The following TCERG1L variants were observed in gnomAD, a reference collection of about 807,000 sequenced individuals.
TCERG1L encodes transcription elongation regulator 1-like protein.
A neutral mutation model predicts 56.3 loss-of-function variants in TCERG1L; 37 were observed. The observed-to-expected ratio is 0.66, with a 90% CI of 0.51 to 0.87. TCERG1L has a LOEUF of 0.87. TCERG1L is among the 40% of genes least tolerant of loss of function. TCERG1L has a pLI of 0.00. For synonymous variants in TCERG1L, 324 were observed against 326.3 expected (o/e 0.99, Z 0.08); for missense variants, 799 against 774.2 (o/e 1.03, Z -0.38).
chr10:131,099,792 T>A (rs1345458995), intron 10 of TCERG1L, among the ~76,000 whole-genome samples: 1 of 152,190 alleles, frequency 6.6e-6, no homozygotes, highest in East Asian at 1.9e-4. Context: ...AAATGAAACA[T>A]CCACAAATAT....
chr10:131,294,171 A>T (rs1285372028), intron 3 of TCERG1L, among the ~76,000 whole-genome samples: 4 of 152,324 alleles, frequency 2.6e-5, no homozygotes, highest in Middle Eastern at 3.4e-3. Flanking sequence ...TATCTGAAGA[A>T]TGGGAGCCCC....
Position 131,093,088 on chromosome 10 carries a change from C to T in TCERG1L, c.*74G>A, listed in dbSNP as rs371660746. The T allele has an allele frequency of 4.2e-5, 65 of 1,531,584 alleles. No homozygotes were observed. Among genetic ancestry groups the T allele is most frequent in the African/African-American group, 1.3e-4 (9 of 71,882 alleles). The allele number at this position is 1,531,584 out of a possible 1,614,324, so 94.9% of individuals were successfully genotyped here. On this transcript the variant is annotated 3_prime_UTR_variant, in exon 12 of 12. Transcript: ENST00000368642. Reference sequence around the variant, plus strand: ...GTCTCGGCCGCCCCACGCCCGTGTCCGTCTCCACCGTGACCCCCTCGCCCC... The same window carrying T: ...GTCTCGGCCGCCCCACGCCCGTGTCTGTCTCCACCGTGACCCCCTCGCCCC...
intron 3 of TCERG1L, among the ~76,000 whole-genome samples, chr10:131,274,208 C>T (rs551702455): frequency 4.8e-4 from 73 of 152,304 alleles, no homozygotes; most frequent in African/African-American, 1.5e-3. Context: ...AAAATATCCA[C>T]ATTTTCATAT....
At chr10:131,249,517 G>A (rs1458077394) in intron 4 of TCERG1L, among the ~76,000 whole-genome samples, 2 of 152,220 alleles carry the variant, frequency 1.3e-5, no homozygotes, top group African/African-American at 2.4e-5. Flanking sequence ...GGAGGACAGT[G>A]GCCCTCTCCA....
At chr10:131,258,412 C>A (rs1846196873) in intron 4 of TCERG1L, among the ~76,000 whole-genome samples, 1 of 152,232 alleles carries the variant, frequency 6.6e-6, no homozygotes, top group African/African-American at 2.4e-5. Context: ...CAGGGCAGCA[C>A]TGCCAGGCAG....
intron 4 of TCERG1L, among the ~76,000 whole-genome samples, chr10:131,182,091 A>T (rs898307161): frequency 6.6e-6 from 1 of 152,106 alleles, no homozygotes; most frequent in Non-Finnish European, 1.5e-5. Context: ...ATGTGTGCAC[A>T]TAGCATGGGT....
intron 6 of TCERG1L, among the ~76,000 whole-genome samples, chr10:131,148,903 G>A (rs1292345092): frequency 6.6e-6 from 1 of 152,214 alleles, no homozygotes; most frequent in East Asian, 1.9e-4. Flanking sequence ...TCCCCCTCGG[G>A]GCGACTCTGT....
intron 7 of TCERG1L, among the ~76,000 whole-genome samples, chr10:131,140,075 G>C (rs1213306599): frequency 3.3e-5 from 5 of 152,226 alleles, no homozygotes; most frequent in Non-Finnish European, 7.3e-5. Context: ...CACAGGAGCT[G>C]AATGTTGGTG....
intron 4 of TCERG1L, among the ~76,000 whole-genome samples, chr10:131,218,260 A>G (rs1360634364): frequency 7.2e-5 from 11 of 152,190 alleles, no homozygotes; most frequent in African/African-American, 2.7e-4. Context: ...AAGCACCAAT[A>G]CATCTAACCG....
chr10:131,143,250 C>T (rs564896322), intron 7 of TCERG1L, among the ~76,000 whole-genome samples: 5 of 152,240 alleles, frequency 3.3e-5, no homozygotes, highest in South Asian at 2.1e-4. Flanking sequence ...GGGGGTTGCA[C>T]GCACCCAGGG....
intron 4 of TCERG1L, among the ~76,000 whole-genome samples, chr10:131,183,752 G>A (rs1000059359): frequency 2.6e-5 from 4 of 152,216 alleles, no homozygotes; most frequent in African/African-American, 7.2e-5. Flanking sequence ...CTCCCATGGT[G>A]GGGAGGGGGG....
chr10:131,186,950 T>C (rs1315079974), intron 4 of TCERG1L, among the ~76,000 whole-genome samples: 1 of 152,234 alleles, frequency 6.6e-6, no homozygotes, highest in East Asian at 1.9e-4. Context: ...AGTCAGAAGC[T>C]ATGAATCAGA....
intron 8 of TCERG1L, among the ~76,000 whole-genome samples, chr10:131,130,595 C>T (rs1205132880): frequency 1.3e-5 from 2 of 152,226 alleles, no homozygotes; most frequent in Admixed American, 6.5e-5. Context: ...GCATTTCTTA[C>T]CACAGAAGTG....
rs570994241 is a variant in TCERG1L, at chr10:131,243,397, C to T, written c.856+16862G>A. Among the ~76,000 whole-genome samples the T allele has an allele frequency of 9.2e-5, 14 of 152,218 alleles. No homozygotes were observed. In the South Asian group the frequency reaches 1.9e-3, roughly 20 times the overall value. ...AGGAGTTGGAGACCAGCGTAGCCAA[C>T]GTTGCAAACCCCGTCTCTACTAAAA... On this transcript the variant is annotated intron_variant, in intron 4 of 11. Coordinates refer to ENST00000368642, the MANE Select transcript of TCERG1L (RefSeq NM_174937.4).
At chr10:131,215,538 C>G (rs1845661659) in intron 4 of TCERG1L, among the ~76,000 whole-genome samples, 1 of 152,206 alleles carries the variant, frequency 6.6e-6, no homozygotes, top group Admixed American at 6.5e-5. Context: ...GAGACCTGAT[C>G]TGCACCCGGC....
At chr10:131,251,580 T>G (rs940350273) in intron 4 of TCERG1L, among the ~76,000 whole-genome samples, 4 of 152,060 alleles carry the variant, frequency 2.6e-5, no homozygotes, top group African/African-American at 9.7e-5. Context: ...ATCCGGTCGC[T>G]GGAAAGGCCA....
At chr10:131,191,864 CAAAAAA>C (rs59816491) in intron 4 of TCERG1L, among the ~76,000 whole-genome samples, 6 of 28,724 alleles carry the variant, frequency 2.1e-4, no homozygotes, top group African/African-American at 7.8e-4. Flanking sequence ...GACTCCGTCT[CAAAAAA>C]AAAAAAAAAA....
intron 9 of TCERG1L, among the ~76,000 whole-genome samples, chr10:131,107,781 C>A (rs1845368260): frequency 6.6e-6 from 1 of 152,136 alleles, no homozygotes; most frequent in East Asian, 1.9e-4. Flanking sequence ...CAAACATCCA[C>A]AGAGGTGCAT....
intron 4 of TCERG1L, among the ~76,000 whole-genome samples, chr10:131,231,162 C>T (rs1384661758): frequency 1.3e-5 from 2 of 152,194 alleles, no homozygotes; most frequent in African/African-American, 4.8e-5. Flanking sequence ...TCTGAGCAGG[C>T]CACTGCCCTC....
Sources: allele counts gnomAD v4.1 joint callset (sites outside exome capture counted in the v4.1 genomes callset), GRCh38; gene constraint gnomAD v4.1.1; transcripts MANE v1.5; gene names NCBI Gene and HGNC (gene_info 2026-07-23, HGNC 2026-07-21).